Variants in SCAPER observed in about 807,000 individuals in gnomAD.
SCAPER encodes S phase cyclin A-associated protein in the endoplasmic reticulum.
A neutral mutation model predicts 182.2 loss-of-function variants in SCAPER; 98 were observed. That is an observed-to-expected ratio of 0.54 (90% CI 0.46 to 0.64). The LOEUF is 0.64. Ranked by LOEUF, SCAPER falls within the 30% of genes least tolerant of loss-of-function variation. The pLI is 0.00. For synonymous variants in SCAPER, 605 were observed against 564.6 expected (o/e 1.07, Z -1.01); for missense variants, 1,432 against 1,690.0 (o/e 0.85, Z 2.68).
chr15:76,519,326 C>T (rs904956033), intron 23 of SCAPER, among the ~76,000 whole-genome samples: 2 of 152,012 alleles, frequency 1.3e-5, no homozygotes, highest in Non-Finnish European at 2.9e-5. Context: ...AAAACTATAC[C>T]TCTGAAAATA....
chr15:76,790,732 T>C (rs2064950393), intron 8 of SCAPER, among the ~76,000 whole-genome samples: 1 of 152,166 alleles, frequency 6.6e-6, no homozygotes, highest in African/African-American at 2.4e-5. Flanking sequence ...TCAAGTACAG[T>C]AGTAATATGT....
chr15:76,670,147 TTTC>T (rs2056906769), intron 20 of SCAPER, among the ~76,000 whole-genome samples: 1 of 152,002 alleles, frequency 6.6e-6, no homozygotes, highest in African/African-American at 2.4e-5. Flanking sequence ...TAGTAAACTT[TTTC>T]TTAACACAAA....
intron 8 of SCAPER, among the ~76,000 whole-genome samples, chr15:76,782,097 T>C (rs1297123991): frequency 7.9e-5 from 12 of 152,024 alleles, no homozygotes; most frequent in Admixed American, 7.2e-4. Flanking sequence ...GACTGGCAAA[T>C]TGGACAGAGT....
At position 76,777,649 on chromosome 15, in the gene SCAPER, G is replaced by A. The variant is rs113572018; in HGVS notation, c.773-2532C>T. Among the ~76,000 whole-genome samples the A allele has an allele frequency of 6.7e-3, 1,022 of 152,214 alleles. 13 individuals carry two copies. Among genetic ancestry groups the A allele is most frequent in the African/African-American group, 0.023 (967 of 41,556 alleles). The stretch of plus-strand genomic sequence containing the variant: ...GTGGAGGTTGCAGTGAGCTGAGATC[G>A]CACCATGGCATTCCAGCCTGGGCAA... On this transcript the variant is annotated intron_variant, in intron 8 of 31. Coordinates refer to ENST00000563290, the MANE Select transcript of SCAPER (RefSeq NM_020843.4).
chr15:76,710,528 C>T (rs1343043238), intron 17 of SCAPER, among the ~76,000 whole-genome samples: 2 of 151,960 alleles, frequency 1.3e-5, no homozygotes, highest in Non-Finnish European at 2.9e-5. Context: ...GAAAACAATT[C>T]CATTTACAGC....
intron 22 of SCAPER, among the ~76,000 whole-genome samples, chr15:76,612,126 T>A: frequency 6.6e-6 from 1 of 152,190 alleles, no homozygotes; most frequent in East Asian, 1.9e-4. Context: ...ATAAACGGTA[T>A]TCAAACAGGA....
chr15:76,682,493 GGCACAA>G (rs1355550753), intron 20 of SCAPER, among the ~76,000 whole-genome samples: 1 of 152,110 alleles, frequency 6.6e-6, no homozygotes, highest in Non-Finnish European at 1.5e-5. Flanking sequence ...CACCCCTGCT[GGCACAA>G]GCACAAGCAG....
chr15:76,732,531 G>GT (rs11404877), intron 16 of SCAPER, among the ~76,000 whole-genome samples: 51,861 of 151,886 alleles, frequency 0.34, 9,129 homozygotes, highest in East Asian at 0.55. Flanking sequence ...TGGTCTAGTG[G>GT]TAACGCCAGC....
chr15:76,874,987 AATT>A (rs2073038784), intron 2 of SCAPER, among the ~76,000 whole-genome samples: 1 of 152,148 alleles, frequency 6.6e-6, no homozygotes, highest in South Asian at 2.1e-4. Flanking sequence ...TAATAATAAT[AATT>A]AAGTAACATT....
chr15:76,754,046 C>T (rs534764757), intron 14 of SCAPER, 98 bp from the exon 15 acceptor site: 9 of 1,322,828 alleles, frequency 6.8e-6, no homozygotes, highest in South Asian at 1.5e-5. Flanking sequence ...AAACTCTAAG[C>T]GTGGAAAAAT....
chr15:76,820,764 A>G (rs2067480167), intron 5 of SCAPER, among the ~76,000 whole-genome samples: 1 of 150,950 alleles, frequency 6.6e-6, no homozygotes, highest in Non-Finnish European at 1.5e-5. Context: ...TTAAAAAAGA[A>G]AAAAAAAACT....
At chr15:76,487,853 G>C (rs2051812963) in intron 24 of SCAPER, among the ~76,000 whole-genome samples, 1 of 152,070 alleles carries the variant, frequency 6.6e-6, no homozygotes, top group Non-Finnish European at 1.5e-5. Context: ...CTCTAGTTGG[G>C]ATAACAAGAG....
chr15:76,378,261 GT>G (rs2042704418), intron 28 of SCAPER, among the ~76,000 whole-genome samples: 1 of 122,160 alleles, frequency 8.2e-6, no homozygotes. Flanking sequence ...ATTTATCTCA[GT>G]TTTTTTCTTC....
At chr15:76,537,447 G>C (rs1320822989) in intron 23 of SCAPER, among the ~76,000 whole-genome samples, 2 of 152,144 alleles carry the variant, frequency 1.3e-5, no homozygotes, top group South Asian at 2.1e-4. Context: ...TGACAAACCT[G>C]AGAAAAAGAA....
intron 23 of SCAPER, among the ~76,000 whole-genome samples, chr15:76,510,770 C>T (rs571341194): frequency 1.4e-4 from 21 of 152,340 alleles, no homozygotes; most frequent in African/African-American, 1.4e-4. Flanking sequence ...TACTTGCTCA[C>T]GCATGTTTAT....
chr15:76,777,400 A>G (rs958117893), intron 8 of SCAPER, among the ~76,000 whole-genome samples: 2 of 152,232 alleles, frequency 1.3e-5, no homozygotes, highest in African/African-American at 4.8e-5. Context: ...AATGAAATTT[A>G]ACGAAAGAAG....
intron 27 of SCAPER, among the ~76,000 whole-genome samples, chr15:76,400,271 TAGG>T (rs1176281907): frequency 2.0e-5 from 3 of 152,192 alleles, no homozygotes; most frequent in Non-Finnish European, 2.9e-5. Context: ...ACAAAAGGGC[TAGG>T]AGGACAAAGC....
At chr15:76,438,878 G>A (rs1229796348) in intron 25 of SCAPER, among the ~76,000 whole-genome samples, 2 of 152,010 alleles carry the variant, frequency 1.3e-5, no homozygotes, top group African/African-American at 4.8e-5. Context: ...TGGAACCTTC[G>A]GTAAAAGATT....
At chr15:76,420,197 G>A (rs1009366886) in intron 26 of SCAPER, among the ~76,000 whole-genome samples, 11 of 150,670 alleles carry the variant, frequency 7.3e-5, no homozygotes, top group South Asian at 2.1e-4. Context: ...GGAATGAGAC[G>A]AGGATGCCCA....
Sources: allele counts gnomAD v4.1 joint callset (sites outside exome capture counted in the v4.1 genomes callset), GRCh38; gene constraint gnomAD v4.1.1; transcripts MANE v1.5; gene names NCBI Gene and HGNC (gene_info 2026-07-23, HGNC 2026-07-21).